Variants in RORA observed in about 807,000 individuals in gnomAD.
RORA encodes the protein nuclear receptor ROR-alpha.
In RORA, 7 loss-of-function variants were observed where a neutral mutation model predicts 69.5. That is an observed-to-expected ratio of 0.10 (90% CI 0.06 to 0.19). RORA has a LOEUF of 0.19. RORA is among the 10% of genes least tolerant of loss of function. The probability of loss-of-function intolerance (pLI) is 1.00; values close to 1 mark genes in which losing one functional copy is unlikely to be tolerated. For synonymous variants in RORA, 261 were observed against 240.8 expected, an observed-to-expected ratio of 1.08 and a Z score of -0.78; for missense variants, 457 against 663.0, an observed-to-expected ratio of 0.69 and a Z score of 3.41.
At chr15:60,507,799 T>C (rs1194975371) in intron 5 of RORA, among the ~76,000 whole-genome samples, 2 of 152,180 alleles carry the variant, frequency 1.3e-5, no homozygotes, top group Non-Finnish European at 2.9e-5. Flanking sequence ...GGGGATGCTG[T>C]GGAGTGAAGG....
At chr15:60,888,265 C>T (rs1307385389) in intron 1 of RORA, among the ~76,000 whole-genome samples, 1 of 152,240 alleles carries the variant, frequency 6.6e-6, no homozygotes, top group East Asian at 1.9e-4. Context: ...CGGTCCCAAA[C>T]CTGTCAGGTC....
In RORA at chr15:60,885,089, C is replaced by A. The variant is rs79678818; in HGVS notation, c.167-206403G>T. On this transcript the variant is annotated intron_variant, in intron 1 of 10. Transcript: ENST00000335670. Reference sequence around the variant, plus strand: ...ATTAAAGATGGCTATATATTTTTAACGCTCCCTTCAGTGAGAAGTGGGTTT... The same window carrying A: ...ATTAAAGATGGCTATATATTTTTAAAGCTCCCTTCAGTGAGAAGTGGGTTT... 8.8e-3 allele frequency among the ~76,000 whole-genome samples: 1,346 copies of A among 152,226 alleles called. 16 individuals carry two copies. Among genetic ancestry groups the A allele is most frequent in the African/African-American group, 0.031 (1,276 of 41,530 alleles).
At chr15:61,098,232 T>C (rs2078824277) in intron 1 of RORA, among the ~76,000 whole-genome samples, 1 of 123,686 alleles carries the variant, frequency 8.1e-6, no homozygotes, top group South Asian at 3.1e-4. Flanking sequence ...TCCTTCCCTC[T>C]CTCCCTTTTC....
intron 1 of RORA, among the ~76,000 whole-genome samples, chr15:60,994,572 T>C (rs1232722505): frequency 6.6e-6 from 1 of 152,222 alleles, no homozygotes; most frequent in African/African-American, 2.4e-5. Flanking sequence ...GGGTACCAGA[T>C]CTTTCTGTCC....
rs2070462979 is a variant in RORA, at chr15:60,671,162, C to T, written c.196+7495G>A. ...GGGTTTGGATAGGTTTCAAAGAAACCACTGTGTCCGGAATCATAGTACTGC... is the reference window on the plus strand; with the variant it reads ...GGGTTTGGATAGGTTTCAAAGAAACTACTGTGTCCGGAATCATAGTACTGC... On this transcript the variant is annotated intron_variant, in intron 2 of 10. Coordinates refer to ENST00000335670, the MANE Select transcript of RORA (RefSeq NM_134261.3). 2.0e-5 allele frequency among the ~76,000 whole-genome samples: 3 copies of T among 147,696 alleles called. No homozygotes were observed. In the South Asian group the frequency reaches 6.4e-4, roughly 31 times the overall value.
At chr15:61,176,553 C>T (rs1170439525) in intron 1 of RORA, 1 of 152,098 alleles carries the variant, frequency 6.6e-6, no homozygotes, top group Non-Finnish European at 1.5e-5. Context: ...CTCACGTAAT[C>T]CTCTTACCTC....
chr15:61,168,839 A>G (rs917121173), intron 1 of RORA, among the ~76,000 whole-genome samples: 1 of 152,096 alleles, frequency 6.6e-6, no homozygotes, highest in Admixed American at 6.6e-5. Context: ...TCTGAGCCCA[A>G]GCTGCATGGG....
chr15:61,175,622 G>A (rs1355395774), intron 1 of RORA, among the ~76,000 whole-genome samples: 18 of 145,198 alleles, frequency 1.2e-4, no homozygotes, highest in South Asian at 4.3e-4. Flanking sequence ...ATGTGGGGGC[G>A]TGGGGGATTG....
intron 1 of RORA, among the ~76,000 whole-genome samples, chr15:60,894,773 T>C (rs182318431): frequency 6.6e-6 from 1 of 152,280 alleles, no homozygotes; most frequent in Non-Finnish European, 1.5e-5. Context: ...TTTGGGAACC[T>C]CTGGGCTGAA....
At chr15:60,708,772 T>A (rs901653132) in intron 1 of RORA, among the ~76,000 whole-genome samples, 10 of 152,186 alleles carry the variant, frequency 6.6e-5, no homozygotes, top group African/African-American at 2.4e-4. Context: ...TTAGAATTAT[T>A]TATATATCAG....
At chr15:60,997,661 C>T (rs897735615) in intron 1 of RORA, among the ~76,000 whole-genome samples, 1 of 152,172 alleles carries the variant, frequency 6.6e-6, no homozygotes, top group African/African-American at 2.4e-5. Flanking sequence ...ATATCTTCCA[C>T]ATGATAGTTA....
intron 1 of RORA, among the ~76,000 whole-genome samples, chr15:61,030,772 A>G (rs911068937): frequency 2.0e-5 from 3 of 152,176 alleles, no homozygotes; most frequent in Non-Finnish European, 2.9e-5. Context: ...TGTATATCCA[A>G]CTTACTAAGC....
rs541686367 is a variant in RORA, at chr15:60,535,893, G to A, written c.197-4042C>T. On this transcript the variant is annotated intron_variant, in intron 2 of 10. Transcript: ENST00000335670. Reference sequence around the variant, plus strand: ...TTACTTAATTGTTACTGTCATCATTGTCATCATCATCATTGCACTCTTATT... The same window carrying A: ...TTACTTAATTGTTACTGTCATCATTATCATCATCATCATTGCACTCTTATT... Among the ~76,000 whole-genome samples, 39 of 152,202 alleles carry A rather than the reference G, an allele frequency of 2.6e-4. 1 individual carries two copies. The highest frequency in any genetic ancestry group is 8.9e-4 in the African/African-American group (37 of 41,528).
At chr15:60,725,275 T>C (rs2071342647) in intron 1 of RORA, among the ~76,000 whole-genome samples, 1 of 152,212 alleles carries the variant, frequency 6.6e-6, no homozygotes, top group Admixed American at 6.5e-5. Context: ...TCTTTCTCTA[T>C]ATTTTCTGCG....
At chr15:60,999,447 T>A (rs1197169702) in intron 1 of RORA, among the ~76,000 whole-genome samples, 1 of 152,212 alleles carries the variant, frequency 6.6e-6, no homozygotes, top group Non-Finnish European at 1.5e-5. Context: ...TATTCATGGA[T>A]GTTAGCTTAC....
intron 1 of RORA, among the ~76,000 whole-genome samples, chr15:60,860,373 A>G (rs2073425649): frequency 6.6e-6 from 1 of 152,204 alleles, no homozygotes; most frequent in Non-Finnish European, 1.5e-5. Context: ...AAGTTGCGAG[A>G]AACTTGACAC....
chr15:60,819,405 G>A (rs2072858602), intron 1 of RORA, among the ~76,000 whole-genome samples: 2 of 152,180 alleles, frequency 1.3e-5, no homozygotes, highest in African/African-American at 4.8e-5. Flanking sequence ...GACAATCAGT[G>A]ATAATACATC....
chr15:61,171,961 G>A (rs2079588977), intron 1 of RORA, among the ~76,000 whole-genome samples: 1 of 152,184 alleles, frequency 6.6e-6, no homozygotes, highest in Admixed American at 6.5e-5. Context: ...CTTCAGTGGT[G>A]TTATTTAGAT....
chr15:60,998,851 C>A (rs917291111), intron 1 of RORA, among the ~76,000 whole-genome samples: 2 of 152,200 alleles, frequency 1.3e-5, no homozygotes, highest in Admixed American at 6.5e-5. Flanking sequence ...GGGAGACTGG[C>A]ATGATAATAT....
Sources: gnomAD v4.1 joint callset for allele counts (sites outside exome capture counted in the v4.1 genomes callset) on GRCh38, gnomAD v4.1.1 for gene constraint, MANE v1.5 for transcripts, NCBI Gene and HGNC (gene_info 2026-07-23, HGNC 2026-07-21) for gene names.